Variants in ARHGAP45 observed in about 807,000 individuals in gnomAD.
The protein encoded by ARHGAP45 is rho GTPase-activating protein 45.
A neutral mutation model predicts 116.1 loss-of-function variants in ARHGAP45; 56 were observed. The observed-to-expected ratio is 0.48, with a 90% CI of 0.39 to 0.60. ARHGAP45 has a LOEUF of 0.60. Ranked by LOEUF, ARHGAP45 falls within the 20% of genes least tolerant of loss-of-function variation. The pLI, the probability that ARHGAP45 is intolerant of heterozygous loss-of-function variation, is 0.00. For synonymous variants in ARHGAP45, 866 were observed against 701.7 expected (o/e 1.23, Z -3.70); for missense variants, 1,622 against 1,601.0 (o/e 1.01, Z -0.22).
intron 11 of ARHGAP45, among the ~76,000 whole-genome samples, chr19:1,078,387 T>C (rs577958844): frequency 1.4e-4 from 21 of 151,438 alleles, no homozygotes; most frequent in East Asian, 7.8e-4. Context: ...TCGTGATCCG[T>C]CCACCTCGGC....
At position 1,084,736 on chromosome 19, in the gene ARHGAP45, G is replaced by A. The variant is rs115046657; in HGVS notation, c.3064+390G>A. 3.9e-3 allele frequency among the ~76,000 whole-genome samples: 589 copies of A among 152,300 alleles called. 2 individuals are homozygous for A. The highest frequency in any genetic ancestry group is 0.013 in the African/African-American group (560 of 41,562). The stretch of plus-strand genomic sequence containing the variant: ...CACCACCTGTCAGAGGCAGCTGGCC[G>A]AGTGCCGCATCTAGTTATGGGACAC... On this transcript the variant is annotated intron_variant, in intron 22 of 22. Transcript: ENST00000313093.
intron 22 of ARHGAP45, among the ~76,000 whole-genome samples, chr19:1,085,456 T>TC (rs1214851666): frequency 6.7e-6 from 1 of 149,614 alleles, no homozygotes; most frequent in Non-Finnish European, 1.5e-5. Flanking sequence ...CTTGTCTCTC[T>TC]CTCCTCCTCC....
chr19:1,086,222 G>A lies in ARHGAP45; in HGVS notation c.*216G>A, dbSNP rs1161616123. On this transcript the variant is annotated 3_prime_UTR_variant, in exon 23 of 23. Transcript: ENST00000313093. ...AGGACTGTGCCCTGTGCTGTCCCCT[G>A]CACCCCGGCTCAGCTGAGCTGGGGA... The A allele has an allele frequency of 1.8e-6, 1 of 558,114 alleles. No individual in the cohort carries two copies. Among genetic ancestry groups the A allele is most frequent in the Admixed American group, 3.2e-5 (1 of 30,960 alleles). 34.6% of individuals were successfully genotyped at this position (558,114 alleles called of 1,614,324 possible).
chr19:1,068,702 G>A lies in ARHGAP45; in HGVS notation c.379G>A (p.Ala127Thr), dbSNP rs1481803053. ...TCTGCTGGCGGACGTGGCCCGCTTCGCTGAGGGCCTTGAGAAACTTAAGGA... is the reference window on the plus strand; with the variant it reads ...TCTGCTGGCGGACGTGGCCCGCTTCACTGAGGGCCTTGAGAAACTTAAGGA... Reference protein sequence around the residue: ...SHLLADVARFAEGLEKLKECV... With the variant: ...SHLLADVARFTEGLEKLKECV... Residue 127 changes from alanine to threonine, a missense_variant, in exon 2 of 23, where the codon GCT becomes ACT. Physicochemically the swap from Ala to Thr is moderately conservative, Grantham distance 58. Around this residue, in one of 3 missense-constraint regions of ARHGAP45, gnomAD observed 279 missense variants for 311.9 expected, o/e 0.89. Coordinates refer to ENST00000313093, the MANE Select transcript of ARHGAP45 (RefSeq NM_012292.5). The surrounding 1 kb of genome is among the most constrained non-coding windows in gnomAD (Gnocchi z 7.5). 2 of 1,612,534 alleles carry A rather than the reference G, an allele frequency of 1.2e-6. No homozygotes were observed. The highest frequency in any genetic ancestry group is 1.7e-6 in the Non-Finnish European group (2 of 1,180,020).
At chr19:1,070,393 A>C (rs1599751120) in intron 2 of ARHGAP45, among the ~76,000 whole-genome samples, 1 of 121,152 alleles carries the variant, frequency 8.3e-6, no homozygotes, top group African/African-American at 3.3e-5. Context: ...TGCAGGGGCG[A>C]GATCTCAGCT....
Position 1,086,156 on chromosome 19 carries a change from T to G in ARHGAP45, c.*150T>G, listed in dbSNP as rs1243990904. ...CTTCGACGTCCCACCAGCGGGCGCC[T>G]CCTCCCAGAGGCTTCCAGGAGCACG... On this transcript the variant is annotated 3_prime_UTR_variant, in exon 23 of 23. Coordinates refer to ENST00000313093, the MANE Select transcript of ARHGAP45 (RefSeq NM_012292.5). 5.8e-6 allele frequency: 4 copies of G among 689,754 alleles called. No individual in the cohort carries two copies. In the Admixed American group the frequency reaches 8.5e-5, roughly 15 times the overall value. 42.7% of individuals were successfully genotyped at this position (689,754 alleles called of 1,614,324 possible). A position where few individuals can be genotyped will look rare whatever the true frequency, so the allele number is the denominator to read the frequency against.
chr19:1,079,885 G>A lies in ARHGAP45; in HGVS notation c.1513-43G>A, dbSNP rs1004839525. On this transcript the variant is annotated intron_variant, in intron 12 of 22. Transcript: ENST00000313093. ...CGCCCGGGCGGGGATGGTGGACCGG[G>A]CGGCCTCCTCCTGACCCCTCCGCTC... is the stretch of plus-strand genomic sequence containing the variant. The A allele has an allele frequency of 5.0e-5, 80 of 1,592,702 alleles. 1 individual carries two copies. The highest frequency in any genetic ancestry group is 6.7e-5 in the African/African-American group (5 of 74,332).
At position 1,086,168 on chromosome 19, in the gene ARHGAP45, C is replaced by G. The variant is rs937010351; in HGVS notation, c.*162C>G. 1.6e-6 allele frequency: 1 copy of G among 634,648 alleles called. No homozygotes were observed. The highest frequency in any genetic ancestry group is 1.8e-5 in the African/African-American group (1 of 54,548). 39.3% of individuals were successfully genotyped at this position (634,648 alleles called of 1,614,324 possible). A position where few individuals can be genotyped will look rare whatever the true frequency, so the allele number is the denominator to read the frequency against. Reference sequence around the variant, plus strand: ...ACCAGCGGGCGCCTCCTCCCAGAGGCTTCCAGGAGCACGAGGGCCTTGCGG... The same window carrying G: ...ACCAGCGGGCGCCTCCTCCCAGAGGGTTCCAGGAGCACGAGGGCCTTGCGG... On this transcript the variant is annotated 3_prime_UTR_variant, in exon 23 of 23. Transcript: ENST00000313093.
At position 1,067,378 on chromosome 19, in the gene ARHGAP45, C is replaced by G. The variant is rs755606056; in HGVS notation, c.-28C>G. 6.4e-5 allele frequency: 99 copies of G among 1,537,364 alleles called. No individual in the cohort carries two copies. Among genetic ancestry groups the G allele is most frequent in the Admixed American group, 6.4e-5 (3 of 46,868 alleles). On this transcript the variant is annotated 5_prime_UTR_variant, in exon 1 of 23. Coordinates refer to ENST00000313093, the MANE Select transcript of ARHGAP45 (RefSeq NM_012292.5). Reference sequence around the variant, plus strand: ...GCAGCGCTGAGACCCCCAGCCCGCCCCCTCGGGCTCCCGGCCGGGGCCCCA... The same window carrying G: ...GCAGCGCTGAGACCCCCAGCCCGCCGCCTCGGGCTCCCGGCCGGGGCCCCA...
chr19:1,084,689 A>C (rs2043549975), intron 22 of ARHGAP45, among the ~76,000 whole-genome samples: 1 of 152,134 alleles, frequency 6.6e-6, no homozygotes, highest in African/African-American at 2.4e-5. Flanking sequence ...TGGGGCTGGG[A>C]GTTTGACCCA....
At chr19:1,082,484 T>C in intron 19 of ARHGAP45, 1 of 353,840 alleles carries the variant, frequency 2.8e-6, no homozygotes, top group South Asian at 4.2e-5. Context: ...AGGGGCGTGG[T>C]CATGTCTGGG....
chr19:1,080,205 C>A (rs771647436), intron 13 of ARHGAP45, 50 bp from the exon 14 acceptor site: 2 of 1,610,132 alleles, frequency 1.2e-6, no homozygotes, highest in South Asian at 2.2e-5. Flanking sequence ...GAAGATGAAG[C>A]TGTCTTGCCC....
intron 3 of ARHGAP45, 89 bp from the exon 4 acceptor site, chr19:1,073,417 C>T: frequency 6.4e-7 from 1 of 1,561,938 alleles, no homozygotes; most frequent in South Asian, 1.1e-5. Flanking sequence ...CCTCCTGTTC[C>T]CCCTGGGTTA....
chr19:1,085,784 C>T lies in ARHGAP45; in HGVS notation c.3189C>T (p.Ser1063=), dbSNP rs770006559. 2 of 1,612,806 alleles carry T rather than the reference C, an allele frequency of 1.2e-6. No homozygotes were observed. Among genetic ancestry groups the T allele is most frequent in the Non-Finnish European group, 1.7e-6 (2 of 1,179,874 alleles). ...SFLEQQQSEA[S]LEVASGSHSG... ...TGGAGCAGCAGCAGAGCGAGGCCAG[C>T]CTAGAGGTGGCTTCTGGCAGCCACA... Residue 1063 remains serine, a synonymous_variant, in exon 23 of 23, where the codon AGC becomes AGT. Coordinates refer to ENST00000313093, the MANE Select transcript of ARHGAP45 (RefSeq NM_012292.5).
In ARHGAP45 at chr19:1,085,972, G is replaced by T; in HGVS notation, c.3377G>T (p.Gly1126Val). 1 of 1,612,754 alleles carries T rather than the reference G, an allele frequency of 6.2e-7. No individual in the cohort carries two copies. The highest frequency in any genetic ancestry group is 8.5e-7 in the Non-Finnish European group (1 of 1,179,876). Residue 1126 changes from glycine (G) to valine (V), a missense_variant, in exon 23 of 23, where the codon GGC becomes GTC. Coordinates refer to ENST00000313093, the MANE Select transcript of ARHGAP45 (RefSeq NM_012292.5). Reference protein sequence around the residue: ...MRLRGGRMTLGSCRERQPEFV With the variant: ...MRLRGGRMTLVSCRERQPEFV ...CTCCGTGGCGGGCGGATGACACTGG[G>T]CTCCTGCAGGGAAAGGCAGCCGGAA...
rs762276866 is a variant in ARHGAP45, at chr19:1,073,716, C to A, written c.693C>A (p.Leu231=). ...FLMGEVDSST[L]LAVPPGDSSQ... ...TGGGTGAAGTGGACAGCAGCACCCT[C>A]CTAGCAGTGCCTCCTGGGGACTCGA... The change falls in exon 5 of 23, where the codon CTC becomes CTA. Residue 231 remains leucine, a synonymous_variant. Coordinates refer to ENST00000313093, the MANE Select transcript of ARHGAP45 (RefSeq NM_012292.5). The A allele has an allele frequency of 1.3e-6, 2 of 1,599,958 alleles. No homozygotes were observed. The highest frequency in any genetic ancestry group is 1.7e-6 in the Non-Finnish European group (2 of 1,172,978).
chr19:1,073,103 TG>T (rs1568457382), intron 2 of ARHGAP45, 45 bp from the exon 3 acceptor site: 2 of 1,557,802 alleles, frequency 1.3e-6, no homozygotes, highest in South Asian at 1.2e-5. Flanking sequence ...AGACTTTCCC[TG>T]GGACTGGGCC....
intron 13 of ARHGAP45, 42 bp from the exon 14 acceptor site, chr19:1,080,213 C>T (rs2043389888): frequency 3.7e-6 from 6 of 1,609,706 alleles, no homozygotes; most frequent in Non-Finnish European, 5.1e-6. Flanking sequence ...AGCTGTCTTG[C>T]CCCCCATCAC....
Position 1,086,297 on chromosome 19 carries a change from T to C in ARHGAP45, c.*291T>C. On this transcript the variant is annotated 3_prime_UTR_variant, in exon 23 of 23. Coordinates refer to ENST00000313093, the MANE Select transcript of ARHGAP45 (RefSeq NM_012292.5). The stretch of plus-strand genomic sequence containing the variant: ...GTGGCCTTGTTGGTGCCCACAGGGC[T>C]GTGTGGATGGAGGAAGCTGTCCCTG... 2.7e-6 allele frequency: 1 copy of C among 377,330 alleles called. No homozygotes were observed. The highest frequency in any genetic ancestry group is 4.9e-6 in the Non-Finnish European group (1 of 203,890). 23.4% of individuals were successfully genotyped at this position (377,330 alleles called of 1,614,324 possible).
Sources: allele counts gnomAD v4.1 joint callset (sites outside exome capture counted in the v4.1 genomes callset), GRCh38; gene constraint gnomAD v4.1.1; regional missense constraint gnomAD v4.1.1; non-coding constraint Gnocchi (gnomAD v3.1); transcripts MANE v1.5; gene names NCBI Gene and HGNC (gene_info 2026-07-23, HGNC 2026-07-21).